Variants in PCDH7 observed in about 807,000 individuals in gnomAD.
PCDH7 encodes protocadherin 7, also known as protocadherin-7.
In PCDH7, 17 loss-of-function variants were observed where a neutral mutation model predicts 58.9. The ratio of observed to expected loss-of-function variants is 0.29; its 90% confidence interval spans 0.20 to 0.43. The LOEUF (loss-of-function observed/expected upper bound fraction) is 0.43, where lower values mean the gene tolerates loss of function less well. PCDH7 is among the 20% of genes least tolerant of loss of function. The pLI, the probability that PCDH7 is intolerant of heterozygous loss-of-function variation, is 1.00. For synonymous variants in PCDH7, 664 were observed against 616.4 expected (o/e 1.08, Z -1.14); for missense variants, 1,274 against 1,441.0 (o/e 0.88, Z 1.88).
At position 30,990,916 on chromosome 4, in the gene PCDH7, T is replaced by C. The variant is rs1224535908; in HGVS notation, c.*7+40701T>C. On this transcript the variant is annotated intron_variant, in intron 3 of 3. Transcript: ENST00000509759. ...AATCCATCCTCTTTTTTATAGTAGGTATAAAATAATTATCTATAATTCTTT... is the reference window on the plus strand; with the variant it reads ...AATCCATCCTCTTTTTTATAGTAGGCATAAAATAATTATCTATAATTCTTT... Among the ~76,000 whole-genome samples the C allele has an allele frequency of 3.9e-5, 6 of 152,264 alleles. No individual in the cohort carries two copies. The East Asian group carries it at 1.2e-3, about 29-fold the overall frequency.
intron 3 of PCDH7, among the ~76,000 whole-genome samples, chr4:31,048,878 T>C (rs1756507958): frequency 2.0e-5 from 3 of 152,182 alleles, no homozygotes; most frequent in South Asian, 2.1e-4. Context: ...AGCTCCACAA[T>C]GTAAAAGGAC....
chr4:30,790,986 G>GA (rs1560373703), intron 1 of PCDH7, among the ~76,000 whole-genome samples: 1 of 151,964 alleles, frequency 6.6e-6, no homozygotes, highest in Non-Finnish European at 1.5e-5. Context: ...GCTGTAGACA[G>GA]AAAAAAAGGG....
intron 1 of PCDH7, among the ~76,000 whole-genome samples, chr4:30,759,571 T>C (rs928948256): frequency 2.0e-5 from 3 of 152,180 alleles, no homozygotes; most frequent in Non-Finnish European, 2.9e-5. Flanking sequence ...ATTAAGTTAT[T>C]GGATGTCAGG....
chr4:30,730,528 T>A (rs1213385006), intron 1 of PCDH7, among the ~76,000 whole-genome samples: 1 of 152,162 alleles, frequency 6.6e-6, no homozygotes, highest in Admixed American at 6.5e-5. Flanking sequence ...TCTAATGCTG[T>A]GTACAAACAA....
intron 1 of PCDH7, among the ~76,000 whole-genome samples, chr4:30,890,035 G>C (rs1398700282): frequency 6.6e-6 from 1 of 152,192 alleles, no homozygotes; most frequent in African/African-American, 2.4e-5. Context: ...ATTATGGTCA[G>C]TTCGGCTTAG....
intron 3 of PCDH7, among the ~76,000 whole-genome samples, chr4:30,973,797 C>A (rs531794064): frequency 9.2e-5 from 14 of 151,788 alleles, no homozygotes; most frequent in Admixed American, 3.3e-4. Flanking sequence ...TAATCTATCT[C>A]CATTTCGCCT....
intron 3 of PCDH7, among the ~76,000 whole-genome samples, chr4:31,077,420 A>AG (rs1389099815): frequency 6.6e-6 from 1 of 151,734 alleles, no homozygotes. Context: ...AAAAAAAAAA[A>AG]AAAAGAAAAA....
intron 1 of PCDH7, among the ~76,000 whole-genome samples, chr4:30,892,476 G>C (rs1055819894): frequency 1.3e-5 from 2 of 151,896 alleles, no homozygotes; most frequent in African/African-American, 4.8e-5. Flanking sequence ...AAGGCATTAA[G>C]ACTTATTGGA....
At chr4:30,794,228 C>T (rs1047561390) in intron 1 of PCDH7, among the ~76,000 whole-genome samples, 13 of 152,158 alleles carry the variant, frequency 8.5e-5, no homozygotes, top group Non-Finnish European at 8.8e-5. Context: ...CAGCAAACCT[C>T]CTGAAGGTGT....
At chr4:30,846,497 T>C (rs1731977440) in intron 1 of PCDH7, among the ~76,000 whole-genome samples, 1 of 151,924 alleles carries the variant, frequency 6.6e-6, no homozygotes, top group Non-Finnish European at 1.5e-5. Flanking sequence ...TTTTTTTTTT[T>C]TTAAATAAAC....
intron 3 of PCDH7, among the ~76,000 whole-genome samples, chr4:31,098,146 C>T (rs548931740): frequency 6.6e-6 from 1 of 152,278 alleles, no homozygotes; most frequent in East Asian, 1.9e-4. Flanking sequence ...GTAGCTACTG[C>T]TTCCCCCACG....
intron 3 of PCDH7, among the ~76,000 whole-genome samples, chr4:30,968,737 TAA>T (rs1289485798): frequency 6.6e-6 from 1 of 152,172 alleles, no homozygotes; most frequent in East Asian, 1.9e-4. Flanking sequence ...GAATGTCACC[TAA>T]GTTAGCACAA....
intron 3 of PCDH7, among the ~76,000 whole-genome samples, chr4:31,115,010 T>G (rs1020731380): frequency 6.6e-6 from 1 of 152,180 alleles, no homozygotes; most frequent in Admixed American, 6.5e-5. Flanking sequence ...GTAAGAACAG[T>G]GCGGGTTTTC....
At chr4:31,025,366 C>T (rs950847527) in intron 3 of PCDH7, among the ~76,000 whole-genome samples, 13 of 152,120 alleles carry the variant, frequency 8.5e-5, no homozygotes, top group South Asian at 2.1e-4. Context: ...TGACTTGTTT[C>T]TTATGTAGTT....
chr4:31,095,876 T>C (rs968145286), intron 3 of PCDH7, among the ~76,000 whole-genome samples: 6 of 152,230 alleles, frequency 3.9e-5, no homozygotes, highest in South Asian at 2.1e-4. Context: ...ATTTATATTG[T>C]TGCTTTGTTA....
At chr4:31,027,744 A>C (rs1451099656) in intron 3 of PCDH7, among the ~76,000 whole-genome samples, 1 of 152,150 alleles carries the variant, frequency 6.6e-6, no homozygotes, top group Non-Finnish European at 1.5e-5. Flanking sequence ...TATATGCATA[A>C]TATTTATATA....
At position 30,758,654 on chromosome 4, in the gene PCDH7, A is replaced by G. The variant is rs80192746; in HGVS notation, c.70+34058A>G. 4.6e-3 allele frequency among the ~76,000 whole-genome samples: 705 copies of G among 152,288 alleles called. 6 individuals are homozygous for G. The highest frequency in any genetic ancestry group is 0.016 in the African/African-American group (667 of 41,546). On this transcript the variant is annotated intron_variant, in intron 1 of 3. Coordinates refer to the PCDH7 transcript ENST00000509759. ...GAGCACTAAAGGGCAGATAGGACAA[A>G]TGACCCTGCCTGCATCGGTGGACAG...
intron 3 of PCDH7, among the ~76,000 whole-genome samples, chr4:31,123,707 C>T (rs1717950612): frequency 6.6e-6 from 1 of 152,108 alleles, no homozygotes; most frequent in Non-Finnish European, 1.5e-5. Flanking sequence ...CCCAGTGCAC[C>T]CATAATTCTT....
At chr4:31,069,199 G>A (rs1366762152) in intron 3 of PCDH7, among the ~76,000 whole-genome samples, 1 of 151,952 alleles carries the variant, frequency 6.6e-6, no homozygotes, top group Non-Finnish European at 1.5e-5. Context: ...TAAAAAGGGA[G>A]TTTACTGCAA....
Sources: gnomAD v4.1 joint callset for allele counts (sites outside exome capture counted in the v4.1 genomes callset) on GRCh38, gnomAD v4.1.1 for gene constraint, MANE v1.5 for transcripts, NCBI Gene and HGNC (gene_info 2026-07-23, HGNC 2026-07-21) for gene names.